Variants in STAB1 observed in about 807,000 individuals in gnomAD.
The protein encoded by STAB1 is stabilin 1, also known as stabilin-1.
STAB1 carries 250 observed loss-of-function variants against 332.4 expected under a neutral mutation model. That is an observed-to-expected ratio of 0.75 (90% CI 0.68 to 0.84). STAB1 has a LOEUF of 0.84. Among genes scored for constraint, STAB1 ranks in the 40% least tolerant of loss-of-function variants. STAB1 has a pLI of 0.00. For missense variants in STAB1, 3,249 were observed against 3,489.7 expected (o/e 0.93, Z 1.74); for synonymous variants, 1,475 against 1,390.4 (o/e 1.06, Z -1.35).
chr3:52,520,366 C>T (rs375784033), intron 52 of STAB1, 34 bp from the exon 53 acceptor site: 80 of 1,612,624 alleles, frequency 5.0e-5, no homozygotes, highest in African/African-American at 3.9e-4. Context: ...AGTGCACCTG[C>T]GACCCTTGCA....
At position 52,503,478 on chromosome 3, in the gene STAB1, A is replaced by G; in HGVS notation, c.829A>G (p.Thr277Ala). Reference sequence around the variant, plus strand: ...GGTGTGTCTGCCCAAGGACCCATGCACTGACAACCTTGGTGGCTGCCCCAG... The same window carrying G: ...GGTGTGTCTGCCCAAGGACCCATGCGCTGACAACCTTGGTGGCTGCCCCAG... ...GMVCLPKDPC[T>A]DNLGGCPSNS... The change falls in exon 8 of 69, where the codon ACT (threonine) becomes GCT (alanine). Residue 277 changes from threonine (T) to alanine (A), a missense_variant. Coordinates refer to ENST00000321725, the MANE Select transcript of STAB1 (RefSeq NM_015136.3). 1 of 1,613,754 alleles carries G rather than the reference A, an allele frequency of 6.2e-7. No individual in the cohort carries two copies. Among genetic ancestry groups the G allele is most frequent in the Non-Finnish European group, 8.5e-7 (1 of 1,180,018 alleles).
intron 27 of STAB1, 39 bp from the exon 28 acceptor site, chr3:52,512,557 C>T (rs1321771717): frequency 6.2e-7 from 1 of 1,613,538 alleles, no homozygotes; most frequent in African/African-American, 1.3e-5. Flanking sequence ...CTTGAATTTG[C>T]CCCTGGTCCT....
chr3:52,517,448 G>T (rs543562027), intron 43 of STAB1, 55 bp downstream of exon 43: 3 of 1,574,008 alleles, frequency 1.9e-6, no homozygotes, highest in South Asian at 1.2e-5. Flanking sequence ...ACAGGATGGG[G>T]CCTCCCTTCA....
Position 52,503,484 on chromosome 3 carries a change from A to T in STAB1, c.835A>T (p.Asn279Tyr), listed in dbSNP as rs538893998. ...TCTGCCCAAGGACCCATGCACTGAC[A>T]ACCTTGGTGGCTGCCCCAGCAACTC... ...VCLPKDPCTD[N>Y]LGGCPSNSTL... is the part of the protein sequence containing the mutation. Residue 279 changes from asparagine to tyrosine, a missense_variant, in exon 8 of 69, where the codon AAC becomes TAC. Physicochemically the swap from Asn to Tyr is moderately radical, Grantham distance 143. Transcript: ENST00000321725. 2.5e-6 allele frequency: 4 copies of T among 1,613,740 alleles called. No homozygotes were observed. The South Asian group carries it at 4.4e-5, about 18-fold the overall frequency.
At chr3:52,501,963 G>A (rs372100421) in intron 3 of STAB1, 43 bp from the exon 4 acceptor site, 29 of 1,606,714 alleles carry the variant, frequency 1.8e-5, no homozygotes, top group African/African-American at 5.3e-5. Context: ...CAGGGTAAGC[G>A]GAGGGTTCTG....
rs578215712 is a variant in STAB1, at chr3:52,505,339, C to T, written c.1539C>T (p.Leu513=). ...TACAGAGAACTATCGGACAGATCCT[C>T]GCCTCTACCGAGGCCTTCAGCCGCT... ...GDPKRTIGQI[L]ASTEAFSRFE... Residue 513 remains leucine, a synonymous_variant, in exon 14 of 69, where the codon CTC becomes CTT. Coordinates refer to ENST00000321725, the MANE Select transcript of STAB1 (RefSeq NM_015136.3). 28 of 1,613,544 alleles carry T rather than the reference C, an allele frequency of 1.7e-5. No homozygotes were observed. The East Asian group carries it at 2.5e-4, about 14-fold the overall frequency.
In STAB1 at chr3:52,505,305, A is replaced by T. The variant is rs1437423815; in HGVS notation, c.1519-14A>T. 2 of 1,613,442 alleles carry T rather than the reference A, an allele frequency of 1.2e-6. No individual in the cohort carries two copies. Among genetic ancestry groups the T allele is most frequent in the East Asian group, 2.2e-5 (1 of 44,870 alleles). On this transcript the variant is annotated splice_polypyrimidine_tract_variant and intron_variant, in intron 13 of 68. Transcript: ENST00000321725. ...CCCCTTCCCTGGGGCCCTCACACTC[A>T]TCCCTCCTTACAGAGAACTATCGGA...
chr3:52,512,100 C>G (rs758802), intron 26 of STAB1, among the ~76,000 whole-genome samples: 143,413 of 152,342 alleles, frequency 0.94, 67,597 homozygotes, highest in African/African-American at 0.98. Context: ...CCTCCTGGGT[C>G]CTCCCACAGC....
At chr3:52,498,527 C>T (rs1708209720) in intron 1 of STAB1, among the ~76,000 whole-genome samples, 1 of 152,260 alleles carries the variant, frequency 6.6e-6, no homozygotes, top group Admixed American at 6.5e-5. Flanking sequence ...TACAAACACC[C>T]AGGTCCTGTG....
In STAB1 at chr3:52,502,076, G is replaced by T. The variant is rs1394338366; in HGVS notation, c.402G>T (p.Gly134=). The T allele has an allele frequency of 1.9e-6, 3 of 1,613,638 alleles. No homozygotes were observed. The South Asian group carries it at 3.3e-5, about 18-fold the overall frequency. The change falls in exon 4 of 69, where the codon GGG becomes GGT. Residue 134 remains glycine, a synonymous_variant. Coordinates refer to ENST00000321725, the MANE Select transcript of STAB1 (RefSeq NM_015136.3). ...GTCLDGMDRN[G]TCVCQENFRG... ...GCTTGGATGGCATGGACAGGAATGG[G>T]ACCTGTGTGTGCCAGGTAAGGGCTG...
In STAB1 at chr3:52,519,952, C is replaced by T. The variant is rs751203960; in HGVS notation, c.5244C>T (p.Gly1748=). Residue 1748 remains glycine (G), a synonymous_variant, in exon 51 of 69, where the codon GGC becomes GGT. Transcript: ENST00000321725. ...KIFSGLLKVA[G]LLPLLREASH... ...TTGCTGCACCCCACCAGGTGGCCGG[C>T]CTCCTGCCCCTGCTTCGAGAGGCAT... 4.4e-6 allele frequency: 7 copies of T among 1,574,938 alleles called. No homozygotes were observed. Among genetic ancestry groups the T allele is most frequent in the South Asian group, 3.4e-5 (3 of 88,068 alleles).
Position 52,502,164 on chromosome 3 carries a change from C to T in STAB1, c.423C>T (p.Asn141=), listed in dbSNP as rs1378568980. 1.2e-6 allele frequency: 2 copies of T among 1,613,520 alleles called. No homozygotes were observed. The highest frequency in any genetic ancestry group is 4.5e-5 in the East Asian group (2 of 44,884). The part of the protein sequence containing the change: ...DRNGTCVCQE[N]FRGSACQECQ... ...CTTGGTGCATCCACCACCAGGAAAA[C>T]TTCCGCGGCTCAGCCTGCCAGGAGT... Residue 141 remains asparagine (N), a synonymous_variant, in exon 5 of 69, where the codon AAC becomes AAT. Transcript: ENST00000321725.
chr3:52,524,263 C>G, intron 68 of STAB1, 37 bp from the exon 69 acceptor site: 1 of 1,613,924 alleles, frequency 6.2e-7, no homozygotes, highest in Non-Finnish European at 8.5e-7. Context: ...GGCCCAGGCC[C>G]TGGTCACACC....
rs2078893557 is a variant in STAB1 at position 52,517,051 on chromosome 3, TG to T, written c.4434del (p.Gln1479SerfsTer112). ...ATGCCAACTGTACCAAGGTGGCACC[TG>T]GGCAGCGGACATGCACCTGCCAGGA... ...PHANCTKVAP[G>X]QRTCTCQDGY... On this transcript the variant is annotated frameshift_variant, in exon 42 of 69. Transcript: ENST00000321725. LOFTEE classifies it high-confidence loss of function. The T allele has an allele frequency of 6.2e-7, 1 of 1,603,372 alleles. No homozygotes were observed.
In STAB1 at chr3:52,506,631, G is replaced by A. The variant is rs1337258426; in HGVS notation, c.1831-61G>A. 1.3e-5 allele frequency: 20 copies of A among 1,520,518 alleles called. No individual in the cohort carries two copies. The Admixed American group carries it at 2.7e-4, about 21-fold the overall frequency. 94.2% of individuals were successfully genotyped at this position (1,520,518 alleles called of 1,614,324 possible). A position where few individuals can be genotyped will look rare whatever the true frequency, so the allele number is the denominator to read the frequency against. On this transcript the variant is annotated intron_variant, in intron 17 of 68. Coordinates refer to ENST00000321725, the MANE Select transcript of STAB1 (RefSeq NM_015136.3). ...AACTGGGCTGCAGGGGTGGAGGTGG[G>A]CAGCCCCACCGGGCCAAGGCCAGCC...
Position 52,523,857 on chromosome 3 carries a change from C to T in STAB1, c.7396-14C>T. On this transcript the variant is annotated splice_polypyrimidine_tract_variant and intron_variant, in intron 66 of 68. Transcript: ENST00000321725. ...AGCTCCCGCCAGGTCAACACTCTCCCTGTTTGTTTGTAGCAGGCAGTGCTG... is the reference window on the plus strand; with the variant it reads ...AGCTCCCGCCAGGTCAACACTCTCCTTGTTTGTTTGTAGCAGGCAGTGCTG... 1 of 1,593,604 alleles carries T rather than the reference C, an allele frequency of 6.3e-7. No homozygotes were observed. Among genetic ancestry groups the T allele is most frequent in the Non-Finnish European group, 8.5e-7 (1 of 1,169,872 alleles).
Position 52,521,483 on chromosome 3 carries a change from C to T in STAB1, c.6031C>T (p.Pro2011Ser), listed in dbSNP as rs372692549. Residue 2011 changes from proline (P) to serine (S), a missense_variant, in exon 56 of 69, where the codon CCT becomes TCT. By Grantham distance (74) the Pro-to-Ser change is moderately conservative (BLOSUM62 -1). Transcript: ENST00000321725. ...FAGTACELCA[P>S]GAFGPHCQAC... ...TGGGACAGCCTGTGAACTCTGTGCT[C>T]CTGGTGCCTTTGGGCCCCATTGTCA... 38 of 1,614,012 alleles carry T rather than the reference C, an allele frequency of 2.4e-5. No homozygotes were observed. Among genetic ancestry groups the T allele is most frequent in the Non-Finnish European group, 3.1e-5 (36 of 1,180,022 alleles).
chr3:52,503,702 T>C (rs1708622852), intron 8 of STAB1, 70 bp from the exon 9 acceptor site: 4 of 1,600,226 alleles, frequency 2.5e-6, no homozygotes, highest in Admixed American at 3.4e-5. Context: ...CAGGGCTCTA[T>C]GGGTAGGGCA....
In STAB1 at chr3:52,503,862, C is replaced by A. The variant is rs146999944; in HGVS notation, c.982C>A (p.Arg328=). ...FAFCSPFSCD[R]SATCQVTADG... is the part of the protein sequence containing the mutation. ...CTTCTGCTCCCCCTTCTCCTGCGAC[C>A]GGTCTGCCACTTGCCAGGTGACCGC... Residue 328 remains arginine, a synonymous_variant, in exon 9 of 69, where the codon CGG becomes AGG. Coordinates refer to ENST00000321725, the MANE Select transcript of STAB1 (RefSeq NM_015136.3). 4.8e-5 allele frequency: 78 copies of A among 1,613,128 alleles called. No individual in the cohort carries two copies. The highest frequency in any genetic ancestry group is 6.5e-5 in the Non-Finnish European group (77 of 1,180,036).
Sources: allele counts gnomAD v4.1 joint callset (sites outside exome capture counted in the v4.1 genomes callset), GRCh38; gene constraint gnomAD v4.1.1; transcripts MANE v1.5; gene names NCBI Gene and HGNC (gene_info 2026-07-23, HGNC 2026-07-21).